IGSF11: variants seen among roughly 807,000 people sequenced by gnomAD.
The protein encoded by IGSF11 is CXADR like 1.
Under a neutral mutation model 41.0 loss-of-function variants are expected in IGSF11, and 22 were observed. The observed-to-expected ratio is 0.54, with a 90% CI of 0.38 to 0.77. The LOEUF is 0.77. Ranked by LOEUF, IGSF11 falls within the 30% of genes least tolerant of loss-of-function variation. The pLI is 0.00. For synonymous variants in IGSF11, 219 were observed against 201.3 expected, an observed-to-expected ratio of 1.09 and a Z score of -0.74; for missense variants, 444 against 530.8, an observed-to-expected ratio of 0.84 and a Z score of 1.61.
At chr3:119,027,417 T>C (rs908253570) in intron 1 of IGSF11, among the ~76,000 whole-genome samples, 2 of 152,128 alleles carry the variant, frequency 1.3e-5, no homozygotes, top group African/African-American at 4.8e-5. Flanking sequence ...AGATGGGATA[T>C]CACAATAAAT....
chr3:118,908,818 G>T (rs931779912), intron 4 of IGSF11, among the ~76,000 whole-genome samples: 11 of 152,322 alleles, frequency 7.2e-5, no homozygotes, highest in Non-Finnish European at 1.3e-4. Flanking sequence ...GCCTCTGGCT[G>T]CCTAGTAGCT....
chr3:119,065,955 T>G (rs1287097078), intron 1 of IGSF11, among the ~76,000 whole-genome samples: 1 of 152,196 alleles, frequency 6.6e-6, no homozygotes, highest in Non-Finnish European at 1.5e-5. Context: ...GGCTGTTTTT[T>G]AATGGACAAC....
At chr3:119,114,240 C>T (rs954892254) in intron 1 of IGSF11, among the ~76,000 whole-genome samples, 3 of 152,236 alleles carry the variant, frequency 2.0e-5, no homozygotes, top group African/African-American at 4.8e-5. Flanking sequence ...AGCTTGAATT[C>T]GTCCCCAGAA....
intron 1 of IGSF11, among the ~76,000 whole-genome samples, chr3:119,138,201 C>G (rs904685433): frequency 1.3e-5 from 2 of 151,612 alleles, no homozygotes. Flanking sequence ...CCATATGATC[C>G]ACAATCCCAC....
intron 1 of IGSF11, among the ~76,000 whole-genome samples, chr3:118,979,102 A>T (rs1316810582): frequency 6.6e-6 from 1 of 152,190 alleles, no homozygotes; most frequent in African/African-American, 2.4e-5. Flanking sequence ...TAAAAAAGAT[A>T]TAAATAGAAA....
intron 1 of IGSF11, among the ~76,000 whole-genome samples, chr3:119,086,523 G>A (rs150717820): frequency 2.1e-3 from 318 of 152,210 alleles, no homozygotes; most frequent in African/African-American, 7.5e-3. Flanking sequence ...AAAGAGAAAG[G>A]TCAGGACACC....
intron 4 of IGSF11, among the ~76,000 whole-genome samples, chr3:118,909,518 T>C (rs1940017020): frequency 6.6e-6 from 1 of 152,210 alleles, no homozygotes; most frequent in South Asian, 2.1e-4. Flanking sequence ...CTATTAAAGA[T>C]AAATTTAAAA....
intron 1 of IGSF11, among the ~76,000 whole-genome samples, chr3:118,955,846 G>T (rs1039684259): frequency 1.3e-5 from 2 of 152,074 alleles, no homozygotes; most frequent in African/African-American, 4.8e-5. Context: ...GAGTCAGCCT[G>T]TCCTTTGAAC....
At chr3:119,141,666 A>G (rs2077649936) in intron 1 of IGSF11, among the ~76,000 whole-genome samples, 1 of 149,146 alleles carries the variant, frequency 6.7e-6, no homozygotes, top group African/African-American at 2.4e-5. Flanking sequence ...TAATATCTAT[A>G]TATCTAATAT....
intron 1 of IGSF11, among the ~76,000 whole-genome samples, chr3:119,050,771 A>T (rs1433539994): frequency 6.6e-6 from 1 of 151,826 alleles, no homozygotes; most frequent in East Asian, 1.9e-4. Context: ...GATAGACTGG[A>T]TTAAGAAAAT....
intron 1 of IGSF11, among the ~76,000 whole-genome samples, chr3:119,077,675 C>T (rs1324730525): frequency 6.6e-6 from 1 of 151,960 alleles, no homozygotes; most frequent in East Asian, 1.9e-4. Context: ...GAAGTCCTAG[C>T]CAGAGCAATC....
At chr3:118,995,188 G>A (rs1260368734) in intron 1 of IGSF11, among the ~76,000 whole-genome samples, 1 of 152,196 alleles carries the variant, frequency 6.6e-6, no homozygotes, top group Non-Finnish European at 1.5e-5. Flanking sequence ...CCAATCATTT[G>A]CAGAATGACG....
Position 119,034,699 on chromosome 3 carries a change from GGC to G in IGSF11, c.-119_-118del. ...CCTGGTCCTCCCACACCCAGCGCCG[GGC>G]CGCTGTTCCCCGCGCAGAGCTGGGA... On this transcript the variant is annotated 5_prime_UTR_variant, in exon 1 of 7. Transcript: ENST00000393775. The G allele has an allele frequency of 7.2e-7, 1 of 1,388,570 alleles. No homozygotes were observed. 86.0% of individuals were successfully genotyped at this position (1,388,570 alleles called of 1,614,324 possible).
chr3:118,925,118 G>C (rs562676797), intron 4 of IGSF11, among the ~76,000 whole-genome samples: 1 of 152,214 alleles, frequency 6.6e-6, no homozygotes, highest in South Asian at 2.1e-4. Context: ...TGAATTTGAG[G>C]CTAGGTTAAT....
At chr3:119,087,373 TACACACACACAC>T (rs200774982) in intron 1 of IGSF11, among the ~76,000 whole-genome samples, 3 of 147,402 alleles carry the variant, frequency 2.0e-5, no homozygotes, top group Admixed American at 6.8e-5. Flanking sequence ...GAAAATGTTA[TACACACACACAC>T]ACACACACAC....
chr3:119,109,316 C>T (rs1311336637), upstream of IGSF11, among the ~76,000 whole-genome samples: 1 of 150,938 alleles, frequency 6.6e-6, no homozygotes, highest in African/African-American at 2.4e-5. Flanking sequence ...GTTTAGTCTT[C>T]GGAGAGTGTA....
chr3:119,072,006 T>G (rs941257660), intron 1 of IGSF11, among the ~76,000 whole-genome samples: 1 of 152,170 alleles, frequency 6.6e-6, no homozygotes, highest in Non-Finnish European at 1.5e-5. Flanking sequence ...TTTAATTTCT[T>G]CAGGAAATAC....
At chr3:119,058,240 T>C (rs900616070) in intron 1 of IGSF11, among the ~76,000 whole-genome samples, 11 of 152,026 alleles carry the variant, frequency 7.2e-5, no homozygotes, top group Admixed American at 7.2e-4. Flanking sequence ...AAAGGGCTAA[T>C]ATCCAGAATC....
intron 3 of IGSF11, among the ~76,000 whole-genome samples, chr3:118,928,216 T>C (rs1364415177): frequency 6.6e-6 from 1 of 152,218 alleles, no homozygotes. Flanking sequence ...AGTTCTGTAC[T>C]GTAGAAGCTT....
Sources: allele counts gnomAD v4.1 joint callset (sites outside exome capture counted in the v4.1 genomes callset), GRCh38; gene constraint gnomAD v4.1.1; transcripts MANE v1.5; gene names NCBI Gene and HGNC (gene_info 2026-07-23, HGNC 2026-07-21).